Variants in SERPINE3 observed in about 807,000 individuals in gnomAD.
SERPINE3 encodes the protein serpin family E member 3.
A neutral mutation model predicts 41.7 loss-of-function variants in SERPINE3; 43 were observed. That is an observed-to-expected ratio of 1.03 (90% confidence interval 0.81 to 1.33). The LOEUF (loss-of-function observed/expected upper bound fraction) is 1.33, where lower values mean the gene tolerates loss of function less well. Among genes scored for constraint, SERPINE3 ranks in the 40% most tolerant of loss-of-function variants. The pLI, the probability that SERPINE3 is intolerant of heterozygous loss-of-function variation, is 0.00. For missense variants in SERPINE3, 440 were observed against 491.7 expected, an observed-to-expected ratio of 0.89 and a Z score of 0.99; for synonymous variants, 200 against 192.2, an observed-to-expected ratio of 1.04 and a Z score of -0.34.
intron 3 of SERPINE3, among the ~76,000 whole-genome samples, chr13:51,342,119 T>G (rs1343207876): frequency 7.5e-6 from 1 of 134,182 alleles, no homozygotes; most frequent in Non-Finnish European, 1.5e-5. Context: ...AAACAGATAC[T>G]CACACACATT....
intron 4 of SERPINE3, among the ~76,000 whole-genome samples, chr13:51,345,812 T>C (rs985713122): frequency 2.0e-5 from 3 of 152,234 alleles, no homozygotes; most frequent in African/African-American, 7.2e-5. Context: ...TGCCAGGGCG[T>C]AAGGCCAGAG....
At chr13:51,342,461 G>C (rs1246680493) in intron 3 of SERPINE3, among the ~76,000 whole-genome samples, 1 of 152,214 alleles carries the variant, frequency 6.6e-6, no homozygotes, top group Non-Finnish European at 1.5e-5. Context: ...TGAGTGTTTA[G>C]CACAATGTCT....
chr13:51,342,287 C>A (rs1357233492), intron 3 of SERPINE3, among the ~76,000 whole-genome samples: 1 of 152,020 alleles, frequency 6.6e-6, no homozygotes, highest in African/African-American at 2.4e-5. Context: ...CCATTCTTCA[C>A]CCTGTGGGTG....
In SERPINE3 at chr13:51,341,379, A is replaced by G. The variant is rs763939731; in HGVS notation, c.256+32A>G. 3 of 1,547,646 alleles carry G rather than the reference A, an allele frequency of 1.9e-6. No homozygotes were observed. In the South Asian group the frequency reaches 3.6e-5, roughly 19 times the overall value. ...GGCCTGCCCACGTGCACACTCACTT[A>G]CCCTCCTGTTCACACTCACACTCTC... is the stretch of plus-strand genomic sequence containing the variant. On this transcript the variant is annotated intron_variant, in intron 3 of 9. Coordinates refer to ENST00000681248, the MANE Select transcript of SERPINE3 (RefSeq NM_001386375.1).
chr13:51,354,200 T>C (rs1313775982), intron 6 of SERPINE3: 4 of 151,738 alleles, frequency 2.6e-5, no homozygotes, highest in East Asian at 1.9e-4. Context: ...CCACACGAGA[T>C]GGGAGGTAGC....
chr13:51,364,256 G>A lies in SERPINE3; in HGVS notation c.1189G>A (p.Gly397Arg). 5.4e-6 allele frequency: 8 copies of A among 1,473,232 alleles called. No homozygotes were observed. Among genetic ancestry groups the A allele is most frequent in the East Asian group, 2.5e-5 (1 of 40,226 alleles). The allele number at this position is 1,473,232 out of a possible 1,614,324, so 91.3% of individuals were successfully genotyped here. A position where few individuals can be genotyped will look rare whatever the true frequency, so the allele number is the denominator to read the frequency against. The stretch of plus-strand genomic sequence containing the variant: ...CTTGACAGGGTTTGTCTTCAGTATT[G>A]GGAGAGTTTCAAATCCCCTAGACTA... ...EPNTGFVFSI[G>R]RVSNPLD is the part of the protein sequence containing the mutation. Residue 397 changes from glycine (G) to arginine (R), a missense_variant, in exon 10 of 10, where the codon GGG (glycine) becomes AGG (arginine). By Grantham distance (125) the Gly-to-Arg change is moderately radical. Transcript: ENST00000681248.
chr13:51,351,715 G>A (rs1566193762), intron 6 of SERPINE3, among the ~76,000 whole-genome samples: 1 of 152,058 alleles, frequency 6.6e-6, no homozygotes, highest in Non-Finnish European at 1.5e-5. Context: ...CCACTGTCTA[G>A]TTAGGGTCAC....
chr13:51,347,314 G>A (rs2137778477), intron 5 of SERPINE3, 80 bp downstream of exon 5: 2 of 1,198,928 alleles, frequency 1.7e-6, no homozygotes, highest in Non-Finnish European at 1.2e-6. Flanking sequence ...CCAGGTCCCT[G>A]CTCCTAAGGG....
chr13:51,363,227 T>C (rs1386616839), intron 9 of SERPINE3: 1 of 151,882 alleles, frequency 6.6e-6, no homozygotes, highest in Non-Finnish European at 1.5e-5. Context: ...ACACCACTAT[T>C]TCAATGGTAG....
rs1156747756 is a variant in SERPINE3 at position 51,364,274 on chromosome 13, CT to C, written c.1208del (p.Leu403GlnfsTer28). The C allele has an allele frequency of 4.7e-6, 7 of 1,476,692 alleles. No homozygotes were observed. Among genetic ancestry groups the C allele is most frequent in the Non-Finnish European group, 5.5e-6 (6 of 1,100,020 alleles). The allele number at this position is 1,476,692 out of a possible 1,614,324, so 91.5% of individuals were successfully genotyped here. On this transcript the variant is annotated frameshift_variant, in exon 10 of 10. Coordinates refer to ENST00000681248, the MANE Select transcript of SERPINE3 (RefSeq NM_001386375.1). LOFTEE classifies it high-confidence loss of function. ...VFSIGRVSNP[L>X]D ...CAGTATTGGGAGAGTTTCAAATCCC[CT>C]AGACTAAATGCATGTTCTCCACTTT...
intron 7 of SERPINE3, among the ~76,000 whole-genome samples, chr13:51,358,809 T>A (rs957755309): frequency 6.6e-6 from 1 of 152,012 alleles, no homozygotes; most frequent in African/African-American, 2.4e-5. Flanking sequence ...TATCACCCCT[T>A]TGCTTTGTAT....
chr13:51,356,432 T>A (rs1488555708), intron 7 of SERPINE3, among the ~76,000 whole-genome samples: 1 of 152,180 alleles, frequency 6.6e-6, no homozygotes, highest in Non-Finnish European at 1.5e-5. Context: ...CTAACCAGTG[T>A]CTTCTTGCAA....
intron 6 of SERPINE3, among the ~76,000 whole-genome samples, chr13:51,353,268 A>G (rs1168288115): frequency 6.6e-6 from 1 of 152,248 alleles, no homozygotes; most frequent in African/African-American, 2.4e-5. Context: ...AGTTTCAAAT[A>G]GCCCTTAATT....
Position 51,347,032 on chromosome 13 carries a change from C to T in SERPINE3, c.498C>T (p.Gly166=). The T allele has an allele frequency of 6.3e-7, 1 of 1,578,236 alleles. No homozygotes were observed. Among genetic ancestry groups the T allele is most frequent in the Non-Finnish European group, 8.6e-7 (1 of 1,161,398 alleles). The part of the protein sequence containing the change: ...EGASRETAGG[G]PSEGPGGWPW... ...TTGCTTTCCTGCTTGCAGGTGGGGGCCCCAGTGAGGGCCCTGGTGGCTGGC... is the reference window on the plus strand; with the variant it reads ...TTGCTTTCCTGCTTGCAGGTGGGGGTCCCAGTGAGGGCCCTGGTGGCTGGC... The change falls in exon 5 of 10, where the codon GGC becomes GGT. Residue 166 remains glycine, a synonymous_variant. Coordinates refer to ENST00000681248, the MANE Select transcript of SERPINE3 (RefSeq NM_001386375.1).
chr13:51,348,509 C>A, intron 6 of SERPINE3, 98 bp downstream of exon 6: 1 of 934,834 alleles, frequency 1.1e-6, no homozygotes, highest in Non-Finnish European at 1.6e-6. Flanking sequence ...CTGTGCTTAG[C>A]CACTGGGATG....
At chr13:51,345,916 G>A (rs61956914) in intron 4 of SERPINE3, among the ~76,000 whole-genome samples, 3,748 of 152,290 alleles carry the variant, frequency 0.025, 62 homozygotes, top group South Asian at 0.057. Flanking sequence ...GGCTGCTTGG[G>A]TTCAAATCCA....
At position 51,341,345 on chromosome 13, in the gene SERPINE3, A is replaced by G. The variant is rs1441507247; in HGVS notation, c.254A>G (p.His85Arg). 6.3e-6 allele frequency: 10 copies of G among 1,591,688 alleles called. No homozygotes were observed. The highest frequency in any genetic ancestry group is 8.6e-6 in the Non-Finnish European group (10 of 1,167,882). ...GCAGATGCCCTGGGGTACACTGTCC[A>G]TGGTAAGAGGCCTGCCCACGTGCAC... is the stretch of plus-strand genomic sequence containing the variant. Reference protein sequence around the residue: ...QLADALGYTVHDKRVKDFLHA... With the variant: ...QLADALGYTVRDKRVKDFLHA... The change falls in exon 3 of 10, where the codon CAT becomes CGT. Residue 85 changes from histidine to arginine, a missense_variant and splice_region_variant. By Grantham distance (29) the His-to-Arg change is conservative (BLOSUM62 0). Coordinates refer to ENST00000681248, the MANE Select transcript of SERPINE3 (RefSeq NM_001386375.1).
Position 51,343,151 on chromosome 13 carries a change from C to A in SERPINE3, c.257-1101C>A, listed in dbSNP as rs575157330. On this transcript the variant is annotated intron_variant, in intron 3 of 9. Coordinates refer to ENST00000681248, the MANE Select transcript of SERPINE3 (RefSeq NM_001386375.1). The stretch of plus-strand genomic sequence containing the variant: ...CATGAAGGGTGTCAGAGGGGACAGA[C>A]CCCAAGTGAGTGAGAGTTTCATCCC... 4.3e-4 allele frequency among the ~76,000 whole-genome samples: 65 copies of A among 152,278 alleles called. 1 individual carries two copies. Among genetic ancestry groups the A allele is most frequent in the African/African-American group, 1.5e-3 (61 of 41,560 alleles).
intron 6 of SERPINE3, 145 bp downstream of exon 6, chr13:51,348,556 A>G: frequency 1.6e-6 from 1 of 642,194 alleles, no homozygotes; most frequent in South Asian, 2.0e-5. Context: ...TTAGACCAAG[A>G]GGAAGTGACC....
Sources: gnomAD v4.1 joint callset for allele counts (sites outside exome capture counted in the v4.1 genomes callset) on GRCh38, gnomAD v4.1.1 for gene constraint, MANE v1.5 for transcripts, NCBI Gene and HGNC (gene_info 2026-07-23, HGNC 2026-07-21) for gene names.